The following SMAP1 variants were observed in gnomAD, a reference collection of about 807,000 sequenced individuals.
SMAP1 encodes the protein stromal membrane-associated protein 1.
SMAP1 carries 24 observed loss-of-function variants against 58.5 expected under a neutral mutation model. That is an observed-to-expected ratio of 0.41 (90% CI 0.30 to 0.58). SMAP1 has a LOEUF of 0.58. SMAP1 is among the 20% of genes least tolerant of loss of function. SMAP1 has a pLI of 0.29. For missense variants in SMAP1, 563 were observed against 566.3 expected (o/e 0.99, Z 0.06); for synonymous variants, 216 against 196.6 (o/e 1.10, Z -0.82).
rs186117397 is a variant in SMAP1, at chr6:70,821,671, A to C, written c.577-15270A>C. On this transcript the variant is annotated intron_variant, in intron 6 of 10. Coordinates refer to ENST00000370455, the MANE Select transcript of SMAP1 (RefSeq NM_001044305.3). Reference sequence around the variant, plus strand: ...TTAAAAAGAGCGAATTGAATACCTAAAATAAGAATTATTACTTAACAGAAA... The same window carrying C: ...TTAAAAAGAGCGAATTGAATACCTACAATAAGAATTATTACTTAACAGAAA... Among the ~76,000 whole-genome samples the C allele has an allele frequency of 5.7e-3, 871 of 152,312 alleles. 4 individuals carry two copies. Among genetic ancestry groups the C allele is most frequent in the African/African-American group, 0.02 (840 of 41,582 alleles).
intron 1 of SMAP1, among the ~76,000 whole-genome samples, chr6:70,712,980 A>G (rs1408293319): frequency 6.6e-6 from 1 of 151,382 alleles, no homozygotes; most frequent in African/African-American, 2.4e-5. Flanking sequence ...TTTAGTAGAG[A>G]TGGGGTTTCA....
chr6:70,820,620 T>G (rs1769844519), intron 6 of SMAP1, among the ~76,000 whole-genome samples: 1 of 151,798 alleles, frequency 6.6e-6, no homozygotes, highest in Non-Finnish European at 1.5e-5. Flanking sequence ...GCAGGGGAAT[T>G]GCTGGAACCC....
chr6:70,787,619 C>T (rs199746566), intron 4 of SMAP1, among the ~76,000 whole-genome samples: 380 of 142,388 alleles, frequency 2.7e-3, no homozygotes, highest in South Asian at 4.4e-3. Context: ...AACAAACAAC[C>T]CCATCAAAAA....
chr6:70,853,473 G>A (rs1222592217), intron 8 of SMAP1, among the ~76,000 whole-genome samples: 4 of 152,090 alleles, frequency 2.6e-5, no homozygotes, highest in Admixed American at 2.0e-4. Flanking sequence ...TAGAAAAACT[G>A]AGTCAAATCT....
chr6:70,736,177 A>G (rs1014125971), intron 2 of SMAP1, among the ~76,000 whole-genome samples: 1 of 152,194 alleles, frequency 6.6e-6, no homozygotes, highest in African/African-American at 2.4e-5. Context: ...CTGTATGCTT[A>G]TTTTTAAAAG....
At chr6:70,793,827 C>T (rs538164163) in intron 5 of SMAP1, among the ~76,000 whole-genome samples, 63 of 152,100 alleles carry the variant, frequency 4.1e-4, no homozygotes, top group South Asian at 8.3e-4. Context: ...CTCCGCCTCC[C>T]GGGTTCAAGC....
At chr6:70,823,779 A>G (rs1330520988) in intron 6 of SMAP1, among the ~76,000 whole-genome samples, 1 of 150,376 alleles carries the variant, frequency 6.6e-6, no homozygotes, top group East Asian at 2.0e-4. Flanking sequence ...TTTATTTTGG[A>G]TATTTATAAT....
intron 6 of SMAP1, among the ~76,000 whole-genome samples, chr6:70,821,413 G>T (rs1217924844): frequency 6.6e-6 from 1 of 151,780 alleles, no homozygotes; most frequent in Non-Finnish European, 1.5e-5. Context: ...AAGCTGCTAT[G>T]AACATTCTTA....
intron 1 of SMAP1, among the ~76,000 whole-genome samples, chr6:70,711,866 C>T (rs189458902): frequency 2.0e-5 from 3 of 152,252 alleles, no homozygotes; most frequent in East Asian, 1.9e-4. Context: ...TAAAGGATTA[C>T]GTCATCTGCA....
chr6:70,702,381 T>C (rs953620166), intron 1 of SMAP1, among the ~76,000 whole-genome samples: 3 of 121,952 alleles, frequency 2.5e-5, no homozygotes, highest in African/African-American at 5.6e-5. Context: ...AGTTACATGC[T>C]TTTTTTTTGG....
At chr6:70,797,771 G>A (rs539075030) in intron 5 of SMAP1, among the ~76,000 whole-genome samples, 1 of 152,128 alleles carries the variant, frequency 6.6e-6, no homozygotes, top group South Asian at 2.1e-4. Context: ...TTATCATGTT[G>A]CCTTCCCTAG....
At chr6:70,672,456 T>G (rs2128547524) in intron 1 of SMAP1, among the ~76,000 whole-genome samples, 1 of 152,234 alleles carries the variant, frequency 6.6e-6, no homozygotes, top group East Asian at 1.9e-4. Flanking sequence ...CCTCTGAGAT[T>G]AGGTTAGGCT....
chr6:70,857,969 G>A lies in SMAP1; in HGVS notation c.1009G>A (p.Ala337Thr). The A allele has an allele frequency of 6.2e-7, 1 of 1,614,118 alleles. No homozygotes were observed. The highest frequency in any genetic ancestry group is 8.5e-7 in the Non-Finnish European group (1 of 1,179,998). Residue 337 changes from alanine to threonine, a missense_variant, in exon 10 of 11, where the codon GCT becomes ACT. Physicochemically the swap from Ala to Thr is moderately conservative, Grantham distance 58 (BLOSUM62 0). Transcript: ENST00000370455. ...TNIPFTSQAP[A>T]AFQGFPSMGV... Reference sequence around the variant, plus strand: ...TATACCATTTACCTCACAAGCACCAGCTGCATTTCAGGGCTTTCCATCGAT... The same window carrying A: ...TATACCATTTACCTCACAAGCACCAACTGCATTTCAGGGCTTTCCATCGAT...
chr6:70,748,879 CAT>C (rs141576869), intron 2 of SMAP1, among the ~76,000 whole-genome samples: 13 of 149,572 alleles, frequency 8.7e-5, no homozygotes, highest in African/African-American at 7.3e-5. Flanking sequence ...ATATTTTATG[CAT>C]ATATATATAT....
chr6:70,835,414 G>C (rs1185264822), intron 6 of SMAP1, among the ~76,000 whole-genome samples: 1 of 152,194 alleles, frequency 6.6e-6, no homozygotes, highest in Non-Finnish European at 1.5e-5. Flanking sequence ...ATGAACTCAT[G>C]TAACAACTAA....
chr6:70,851,136 A>G (rs1477022461), intron 7 of SMAP1, among the ~76,000 whole-genome samples: 1 of 152,168 alleles, frequency 6.6e-6, no homozygotes, highest in Non-Finnish European at 1.5e-5. Flanking sequence ...ACTGAAAATG[A>G]CTTGAAAAAT....
At chr6:70,723,458 T>G (rs992528925) in intron 1 of SMAP1, among the ~76,000 whole-genome samples, 1 of 152,224 alleles carries the variant, frequency 6.6e-6, no homozygotes, top group African/African-American at 2.4e-5. Flanking sequence ...TTTCCCCAGA[T>G]AGCTGCATGG....
chr6:70,849,009 C>A (rs1220433350), intron 7 of SMAP1, among the ~76,000 whole-genome samples: 1 of 152,052 alleles, frequency 6.6e-6, no homozygotes, highest in Non-Finnish European at 1.5e-5. Flanking sequence ...CCAGAACCCA[C>A]CGTTAAGGGA....
chr6:70,804,326 T>G (rs1301181053), intron 6 of SMAP1, among the ~76,000 whole-genome samples: 2 of 152,056 alleles, frequency 1.3e-5, no homozygotes, highest in African/African-American at 4.8e-5. Flanking sequence ...TTTTTTTTTT[T>G]TAACTTTCCA....
Sources: allele counts gnomAD v4.1 joint callset (sites outside exome capture counted in the v4.1 genomes callset), GRCh38; gene constraint gnomAD v4.1.1; transcripts MANE v1.5; gene names NCBI Gene and HGNC (gene_info 2026-07-23, HGNC 2026-07-21).